RASSF3: variants seen among roughly 807,000 people sequenced by gnomAD.
RASSF3 encodes the protein Ras association domain family member 3.
A neutral mutation model predicts 19.9 loss-of-function variants in RASSF3; 19 were observed. The observed-to-expected ratio is 0.96, with a 90% CI of 0.67 to 1.40. The LOEUF (loss-of-function observed/expected upper bound fraction) is 1.40, where lower values mean the gene tolerates loss of function less well. Among genes scored for constraint, RASSF3 ranks in the 40% most tolerant of loss-of-function variants. The pLI is 0.00. For missense variants in RASSF3, 306 were observed against 289.8 expected (o/e 1.06, Z -0.41); for synonymous variants, 110 against 104.2 (o/e 1.06, Z -0.34).
chr12:64,575,292 G>T (rs1869577325), intron 2 of RASSF3, among the ~76,000 whole-genome samples: 2 of 152,256 alleles, frequency 1.3e-5, no homozygotes, highest in South Asian at 4.1e-4. Flanking sequence ...GGTGGCTCAT[G>T]CCTATAATCC....
chr12:64,635,665 G>A (rs1287373227), intron 1 of RASSF3, among the ~76,000 whole-genome samples: 1 of 152,230 alleles, frequency 6.6e-6, no homozygotes, highest in East Asian at 1.9e-4. Flanking sequence ...TAGAAACTGG[G>A]TGGTCTGGTG....
intron 2 of RASSF3, among the ~76,000 whole-genome samples, chr12:64,573,811 A>G (rs565539779): frequency 6.6e-6 from 1 of 152,258 alleles, no homozygotes; most frequent in South Asian, 2.1e-4. Context: ...TTTTCTATTC[A>G]TTAGAAGCAA....
At chr12:64,582,581 A>C (rs1414129975) in intron 2 of RASSF3, among the ~76,000 whole-genome samples, 1 of 152,170 alleles carries the variant, frequency 6.6e-6, no homozygotes, top group African/African-American at 2.4e-5. Flanking sequence ...TGGCACAGAG[A>C]TTCCTGGATA....
chr12:64,525,211 G>A (rs1225685505), intron 1 of RASSF3, among the ~76,000 whole-genome samples: 4 of 152,184 alleles, frequency 2.6e-5, no homozygotes, highest in Non-Finnish European at 5.9e-5. Flanking sequence ...GGAAAGCCGC[G>A]GTTGCAGTGA....
intron 1 of RASSF3, among the ~76,000 whole-genome samples, chr12:64,678,333 A>C (rs1872982555): frequency 6.6e-6 from 1 of 152,198 alleles, no homozygotes; most frequent in East Asian, 1.9e-4. Context: ...ATGAGATGAA[A>C]AGTAGGAATT....
At chr12:64,652,103 C>T (rs1302501029) in intron 1 of RASSF3, among the ~76,000 whole-genome samples, 2 of 152,058 alleles carry the variant, frequency 1.3e-5, no homozygotes, top group Non-Finnish European at 2.9e-5. Context: ...AATAGATTAC[C>T]ATATTTTGCA....
At chr12:64,671,983 C>G (rs1872715816) in intron 1 of RASSF3, among the ~76,000 whole-genome samples, 1 of 152,164 alleles carries the variant, frequency 6.6e-6, no homozygotes, top group Non-Finnish European at 1.5e-5. Context: ...TTAATGGGAA[C>G]AAGAGTGACA....
chr12:64,560,315 C>G (rs1331661875), intron 2 of RASSF3, among the ~76,000 whole-genome samples: 2 of 152,214 alleles, frequency 1.3e-5, no homozygotes, highest in East Asian at 1.9e-4. Context: ...GGCAGTTCTT[C>G]CACTGCAGGA....
chr12:64,530,437 C>A (rs755100906), upstream of RASSF3, among the ~76,000 whole-genome samples: 19 of 152,082 alleles, frequency 1.2e-4, no homozygotes, highest in Admixed American at 5.9e-4. Context: ...GCCACCGTGC[C>A]TGGCCCATTG....
At chr12:64,675,863 T>G (rs1307822270) in intron 1 of RASSF3, among the ~76,000 whole-genome samples, 1 of 151,390 alleles carries the variant, frequency 6.6e-6, no homozygotes, top group Non-Finnish European at 1.5e-5. Flanking sequence ...CAAAATGAAC[T>G]CCTGAATCCT....
At position 64,695,018 on chromosome 12, in the gene RASSF3, C is replaced by G; in HGVS notation, c.*106C>G. On this transcript the variant is annotated 3_prime_UTR_variant, in exon 5 of 5. Coordinates refer to ENST00000542104, the MANE Select transcript of RASSF3 (RefSeq NM_178169.4). ...CTGTCTTGCCCCACTATGCTAGGGT[C>G]TTCGCCTTTCTATCTGTAGATTTTG... 1 of 1,205,954 alleles carries G rather than the reference C, an allele frequency of 8.3e-7. No individual in the cohort carries two copies. Among genetic ancestry groups the G allele is most frequent in the Non-Finnish European group, 1.1e-6 (1 of 872,028 alleles). 74.7% of individuals were successfully genotyped at this position (1,205,954 alleles called of 1,614,324 possible). A position where few individuals can be genotyped will look rare whatever the true frequency, so the allele number is the denominator to read the frequency against.
At chr12:64,565,936 C>T (rs1020825181) in intron 2 of RASSF3, among the ~76,000 whole-genome samples, 6 of 149,908 alleles carry the variant, frequency 4.0e-5, no homozygotes, top group African/African-American at 1.5e-4. Context: ...CGTGGTGGCT[C>T]ACGCCTATAA....
At chr12:64,517,470 A>G (rs1868388281) in intron 1 of RASSF3, among the ~76,000 whole-genome samples, 1 of 152,200 alleles carries the variant, frequency 6.6e-6, no homozygotes, top group Non-Finnish European at 1.5e-5. Flanking sequence ...ATATATTACA[A>G]AGCTGCTAAA....
upstream of RASSF3, among the ~76,000 whole-genome samples, chr12:64,531,013 A>T (rs1329938403): frequency 3.3e-5 from 5 of 152,170 alleles, no homozygotes; most frequent in East Asian, 9.7e-4. Context: ...TCCTTCTCTT[A>T]ATTGTATCTT....
chr12:64,526,357 T>G (rs926664966), intron 1 of RASSF3, among the ~76,000 whole-genome samples: 11 of 152,176 alleles, frequency 7.2e-5, no homozygotes, highest in African/African-American at 2.7e-4. Context: ...AAGTATAGGA[T>G]ACATTGTTAC....
At chr12:64,596,516 A>G (rs915452114) in intron 2 of RASSF3, among the ~76,000 whole-genome samples, 8 of 152,158 alleles carry the variant, frequency 5.3e-5, no homozygotes, top group Admixed American at 2.0e-4. Flanking sequence ...AGTGCCCAAC[A>G]AGTGCTCATC....
intron 1 of RASSF3, among the ~76,000 whole-genome samples, chr12:64,613,840 C>T (rs537970339): frequency 1.3e-5 from 2 of 151,940 alleles, no homozygotes; most frequent in African/African-American, 2.4e-5. Flanking sequence ...CCCAGCTACT[C>T]GGGAGACTGA....
intron 2 of RASSF3, among the ~76,000 whole-genome samples, chr12:64,604,298 G>A (rs1241887000): frequency 6.6e-6 from 1 of 151,606 alleles, no homozygotes; most frequent in African/African-American, 2.4e-5. Context: ...GCTAATTTTT[G>A]TATCTTTTGT....
chr12:64,539,704 T>C (rs1310463454), intron 1 of RASSF3, among the ~76,000 whole-genome samples: 1 of 151,938 alleles, frequency 6.6e-6, no homozygotes, highest in African/African-American at 2.4e-5. Flanking sequence ...TAAACCCAGA[T>C]GGTTGAGGCT....
Sources: gnomAD v4.1 joint callset for allele counts (sites outside exome capture counted in the v4.1 genomes callset) on GRCh38, gnomAD v4.1.1 for gene constraint, MANE v1.5 for transcripts, NCBI Gene and HGNC (gene_info 2026-07-23, HGNC 2026-07-21) for gene names.